RIT2: variants seen among roughly 807,000 people sequenced by gnomAD.
RIT2 encodes the protein GTP-binding protein Rit2.
Under a neutral mutation model 23.7 loss-of-function variants are expected in RIT2, and 24 were observed. The ratio of observed to expected loss-of-function variants is 1.01; its 90% CI spans 0.73 to 1.43. The LOEUF (loss-of-function observed/expected upper bound fraction) is 1.43, where lower values mean the gene tolerates loss of function less well. RIT2 is among the 40% of genes most tolerant of loss of function. The pLI, the probability that RIT2 is intolerant of heterozygous loss-of-function variation, is 0.00. For missense variants in RIT2, 236 were observed against 266.9 expected, an observed-to-expected ratio of 0.88 and a Z score of 0.81; for synonymous variants, 107 against 91.1, an observed-to-expected ratio of 1.17 and a Z score of -0.99.
intron 4 of RIT2, among the ~76,000 whole-genome samples, chr18:42,778,107 C>T (rs567991929): frequency 6.6e-6 from 1 of 151,738 alleles, no homozygotes; most frequent in African/African-American, 2.4e-5. Flanking sequence ...GGCTGCTGTG[C>T]TTTTAGAGCA....
intron 4 of RIT2, among the ~76,000 whole-genome samples, chr18:42,827,733 T>C (rs1050121390): frequency 5.3e-5 from 8 of 151,924 alleles, no homozygotes; most frequent in Admixed American, 1.3e-4. Flanking sequence ...AGGCCAGGCG[T>C]GGTGGCTCAT....
intron 2 of RIT2, among the ~76,000 whole-genome samples, chr18:42,994,671 G>C (rs540853987): frequency 2.6e-5 from 4 of 152,048 alleles, no homozygotes; most frequent in African/African-American, 9.7e-5. Flanking sequence ...CCGGGATCGC[G>C]TCCTGTAGCC....
intron 3 of RIT2, among the ~76,000 whole-genome samples, chr18:42,969,325 A>T (rs1418868841): frequency 6.6e-6 from 1 of 152,176 alleles, no homozygotes; most frequent in Non-Finnish European, 1.5e-5. Context: ...CTCTTTAAAG[A>T]TAAGCCACAA....
intron 4 of RIT2, among the ~76,000 whole-genome samples, chr18:42,767,176 A>G (rs1913443464): frequency 6.6e-6 from 1 of 152,146 alleles, no homozygotes; most frequent in Non-Finnish European, 1.5e-5. Flanking sequence ...TATATCCACC[A>G]ACATCTTGCA....
At chr18:43,057,551 A>T (rs1172566499) in intron 1 of RIT2, among the ~76,000 whole-genome samples, 1 of 152,182 alleles carries the variant, frequency 6.6e-6, no homozygotes, top group East Asian at 1.9e-4. Flanking sequence ...AATATTAAAC[A>T]TGGATCATTC....
chr18:42,974,957 T>C (rs1910446011), intron 2 of RIT2, among the ~76,000 whole-genome samples: 1 of 152,106 alleles, frequency 6.6e-6, no homozygotes, highest in Non-Finnish European at 1.5e-5. Flanking sequence ...TGTTAAAATG[T>C]CATACCTGCC....
intron 3 of RIT2, among the ~76,000 whole-genome samples, chr18:42,932,922 A>C (rs1909362444): frequency 6.6e-6 from 1 of 151,888 alleles, no homozygotes; most frequent in African/African-American, 2.4e-5. Context: ...TATTTTCATC[A>C]CTTATGAACT....
intron 4 of RIT2, among the ~76,000 whole-genome samples, chr18:42,803,062 C>G (rs1905586665): frequency 6.6e-6 from 1 of 152,124 alleles, no homozygotes; most frequent in South Asian, 2.1e-4. Flanking sequence ...TAGTGTCACT[C>G]ATTCCTTCAT....
rs184938747 is a variant in RIT2, at chr18:43,056,100, G to A, written c.104-22233C>T. Among the ~76,000 whole-genome samples the A allele has an allele frequency of 3.9e-5, 6 of 152,098 alleles. No homozygotes were observed. In the East Asian group the frequency reaches 1.2e-3, roughly 29 times the overall value. On this transcript the variant is annotated intron_variant, in intron 1 of 4. Transcript: ENST00000326695. Reference sequence around the variant, plus strand: ...GTGCAAAAGTAAGAAATAAGTGAGGGCATATAAATAATATCCCTAGACCTG... The same window carrying A: ...GTGCAAAAGTAAGAAATAAGTGAGGACATATAAATAATATCCCTAGACCTG...
intron 4 of RIT2, among the ~76,000 whole-genome samples, chr18:42,892,527 AT>A (rs1489890251): frequency 6.6e-6 from 1 of 152,182 alleles, no homozygotes; most frequent in African/African-American, 2.4e-5. Context: ...CCCGTATTAA[AT>A]CTTATCTGAC....
intron 1 of RIT2, among the ~76,000 whole-genome samples, chr18:43,068,337 GC>G (rs1460238514): frequency 6.6e-6 from 1 of 152,156 alleles, no homozygotes; most frequent in African/African-American, 2.4e-5. Flanking sequence ...GCTTGGGAAA[GC>G]TGACTTCAGG....
rs559284815 is a variant in RIT2, at chr18:42,900,717, G to GT, written c.426+22854_426+22855insA. The stretch of plus-strand genomic sequence containing the variant: ...ACTTTCAGTAACAAGATATGTGAGG[G>GT]ATAACAGAGATTCAGCTTTGTAGGC... On this transcript the variant is annotated intron_variant, in intron 4 of 4. Coordinates refer to ENST00000326695, the MANE Select transcript of RIT2 (RefSeq NM_002930.4). Among the ~76,000 whole-genome samples, 307 of 152,124 alleles carry GT rather than the reference G, an allele frequency of 2.0e-3. 3 individuals are homozygous for GT. The highest frequency in any genetic ancestry group is 6.9e-3 in the African/African-American group (286 of 41,518).
intron 1 of RIT2, among the ~76,000 whole-genome samples, chr18:43,074,549 C>T (rs907894562): frequency 5.3e-5 from 8 of 152,152 alleles, no homozygotes; most frequent in Admixed American, 5.2e-4. Context: ...CTGTGCATTA[C>T]CCCTTATTTT....
intron 4 of RIT2, among the ~76,000 whole-genome samples, chr18:42,917,019 T>A (rs1267475790): frequency 6.6e-6 from 1 of 152,096 alleles, no homozygotes; most frequent in Non-Finnish European, 1.5e-5. Context: ...ATGCCTACAC[T>A]TAACTGGAAA....
intron 3 of RIT2, among the ~76,000 whole-genome samples, chr18:42,940,267 T>TATATAC (rs1568035541): frequency 7.1e-6 from 1 of 140,616 alleles, no homozygotes; most frequent in East Asian, 2.0e-4. Context: ...TATATATATA[T>TATATAC]ATGCACACAC....
At chr18:43,036,161 A>G (rs1430940850) in intron 1 of RIT2, among the ~76,000 whole-genome samples, 1 of 152,234 alleles carries the variant, frequency 6.6e-6, no homozygotes, top group Non-Finnish European at 1.5e-5. Context: ...AATAATAGAA[A>G]TATTTGGATA....
intron 4 of RIT2, among the ~76,000 whole-genome samples, chr18:42,894,256 A>G (rs192984292): frequency 6.6e-6 from 1 of 152,350 alleles, no homozygotes; most frequent in East Asian, 1.9e-4. Context: ...TCCATAAAAA[A>G]TGCATTGATG....
chr18:42,892,911 C>T (rs910541869), intron 4 of RIT2, among the ~76,000 whole-genome samples: 5 of 152,106 alleles, frequency 3.3e-5, no homozygotes, highest in African/African-American at 1.2e-4. Flanking sequence ...AGAACTAACA[C>T]TAATTGTCTC....
At chr18:42,828,726 G>A (rs147302052) in intron 4 of RIT2, among the ~76,000 whole-genome samples, 11 of 152,168 alleles carry the variant, frequency 7.2e-5, no homozygotes, top group African/African-American at 2.2e-4. Flanking sequence ...GGCCTGGAGC[G>A]TAAAGATTCA....
Sources: gnomAD v4.1 joint callset for allele counts (sites outside exome capture counted in the v4.1 genomes callset) on GRCh38, gnomAD v4.1.1 for gene constraint, MANE v1.5 for transcripts, NCBI Gene and HGNC (gene_info 2026-07-23, HGNC 2026-07-21) for gene names.